Variants in FAM153A observed in about 807,000 individuals in gnomAD.
The protein encoded by FAM153A is family with sequence similarity 153 member A.
A neutral mutation model predicts 48.1 loss-of-function variants in FAM153A; 12 were observed. That is an observed-to-expected ratio of 0.25 (90% CI 0.16 to 0.40). The LOEUF (loss-of-function observed/expected upper bound fraction) is 0.40. Ranked by LOEUF, FAM153A falls within the 10% of genes least tolerant of loss-of-function variation. FAM153A has a pLI of 1.00. For synonymous variants in FAM153A, 36 were observed against 118.2 expected, an observed-to-expected ratio of 0.30 and a Z score of 4.51; for missense variants, 111 against 345.8, an observed-to-expected ratio of 0.32 and a Z score of 5.38.
At chr5:177,728,820 G>A (rs1171088554) in intron 18 of FAM153A, among the ~76,000 whole-genome samples, 4 of 148,832 alleles carry the variant, frequency 2.7e-5, no homozygotes, top group Admixed American at 2.0e-4. Context: ...GCCCGTCTCC[G>A]CCTCTCAAGG....
chr5:177,696,158 G>A, the FAM153A span, among the ~76,000 whole-genome samples: 1 of 118,286 alleles, frequency 8.5e-6, no homozygotes, highest in African/African-American at 3.3e-5. Flanking sequence ...GTGGCGGCTG[G>A]GCAGAGGCAC....
rs552876839 is a variant in FAM153A, at chr5:177,759,268, A to G, written c.-56-10569T>C. Among the ~76,000 whole-genome samples the G allele has an allele frequency of 1.7e-3, 262 of 151,956 alleles. 4 individuals are homozygous for G. Among genetic ancestry groups the G allele is most frequent in the Non-Finnish European group, 2.4e-3 (162 of 68,028 alleles). On this transcript the variant is annotated intron_variant, in intron 1 of 8. Coordinates refer to the FAM153A transcript ENST00000393518. ...AAATGCAAATCAAAACCACAATGAC[A>G]TACCATCTCACACCAGTTAGAATGG... is the stretch of plus-strand genomic sequence containing the variant.
intron 10 of FAM153A, among the ~76,000 whole-genome samples, chr5:177,737,778 C>T (rs908744070): frequency 6.6e-6 from 1 of 151,706 alleles, no homozygotes; most frequent in African/African-American, 2.4e-5. Context: ...TCTTGGCCCC[C>T]CAAACTGCTG....
intron 14 of FAM153A, among the ~76,000 whole-genome samples, chr5:177,733,283 T>C (rs62398539): frequency 0.27 from 35,880 of 133,302 alleles, 6,612 homozygotes; most frequent in South Asian, 0.39. Flanking sequence ...TTTGTGCTTT[T>C]GATCAGGACA....
intron 6 of FAM153A, among the ~76,000 whole-genome samples, chr5:177,743,403 T>C: frequency 1.3e-5 from 1 of 74,910 alleles, no homozygotes; most frequent in Non-Finnish European, 2.6e-5. Context: ...AACCCCTTGG[T>C]TTTCTTTTCA....
intron 24 of FAM153A, among the ~76,000 whole-genome samples, chr5:177,716,963 T>TTGTGTGTGTGTGTG (rs1561866290): frequency 2.5e-3 from 141 of 56,376 alleles, no homozygotes; most frequent in African/African-American, 0.01. Context: ...CATTCCCGCT[T>TTGTGTGTGTGTGTG]AGTGTGTGTG....
chr5:177,709,022 G>A (rs1374165821), downstream of FAM153A, among the ~76,000 whole-genome samples: 1 of 143,984 alleles, frequency 6.9e-6, no homozygotes. Flanking sequence ...TTGAACCCGG[G>A]GGGCAGAGGT....
At chr5:177,702,129 C>T in the FAM153A span, among the ~76,000 whole-genome samples, 15 of 151,756 alleles carry the variant, frequency 9.9e-5, no homozygotes, top group African/African-American at 3.2e-4. Flanking sequence ...AGGATGGTCT[C>T]GATCTCCTGA....
intron 25 of FAM153A, among the ~76,000 whole-genome samples, chr5:177,715,300 CAAT>C (rs376309912): frequency 0.25 from 36,684 of 145,030 alleles, 5,263 homozygotes; most frequent in South Asian, 0.35. Flanking sequence ...TTCTTATACA[CAAT>C]AATATTATAA....
downstream of FAM153A, among the ~76,000 whole-genome samples, chr5:177,705,401 T>C (rs535622814): frequency 6.8e-6 from 1 of 146,456 alleles, no homozygotes; most frequent in South Asian, 2.2e-4. Flanking sequence ...TCTGCCATGA[T>C]TGGAAGCTTC....
chr5:177,753,454 G>A (rs1329204800), upstream of FAM153A, among the ~76,000 whole-genome samples: 2 of 145,782 alleles, frequency 1.4e-5, no homozygotes, highest in Non-Finnish European at 3.0e-5. Context: ...CAGACACACA[G>A]TATTATTCTA....
chr5:177,718,976 A>G (rs1696860), downstream of FAM153A, among the ~76,000 whole-genome samples: 1 of 151,308 alleles, frequency 6.6e-6, no homozygotes, highest in Admixed American at 6.6e-5. Flanking sequence ...CACCTCCCAG[A>G]TTCAAGCCAT....
intron 1 of FAM153A, among the ~76,000 whole-genome samples, chr5:177,768,532 ACTT>A (rs1768894988): frequency 7.3e-6 from 1 of 136,264 alleles, no homozygotes. Flanking sequence ...AAAAAACATC[ACTT>A]TGGAAATCCT....
the FAM153A span, among the ~76,000 whole-genome samples, chr5:177,698,175 AG>A: frequency 4.6e-5 from 7 of 151,620 alleles, no homozygotes; most frequent in African/African-American, 1.7e-4. Context: ...AACCAAGGAA[AG>A]GTTCTCATTT....
chr5:177,710,229 C>T (rs1036857163), downstream of FAM153A, among the ~76,000 whole-genome samples: 13 of 151,322 alleles, frequency 8.6e-5, no homozygotes, highest in Non-Finnish European at 1.8e-4. Flanking sequence ...TATTCTGCCT[C>T]AGCCTCCCAG....
At position 177,772,998 on chromosome 5, in the gene FAM153A, C is replaced by G. The variant is rs1289647363; in HGVS notation, c.-57+7451G>C. On this transcript the variant is annotated intron_variant, in intron 1 of 8. Coordinates refer to the FAM153A transcript ENST00000393518. ...TGGGAGGCACCCCCCAGCAGGGGCA[C>G]ACTGACACCTCACAAGGCAGGGTAT... is the stretch of plus-strand genomic sequence containing the variant. 1.4e-4 allele frequency among the ~76,000 whole-genome samples: 6 copies of G among 43,132 alleles called. 2 individuals are homozygous for G. Among genetic ancestry groups the G allele is most frequent in the Admixed American group, 3.1e-4 (1 of 3,240 alleles). 28.3% of individuals were successfully genotyped at this position (43,132 alleles called of 152,430 possible).
downstream of FAM153A, among the ~76,000 whole-genome samples, chr5:177,709,093 C>CCAAAAA (rs1758119692): frequency 2.9e-5 from 1 of 34,106 alleles, no homozygotes; most frequent in African/African-American, 8.9e-5. Flanking sequence ...GACTCCGTCT[C>CCAAAAA]AAAAAAAAAA....
upstream of FAM153A, among the ~76,000 whole-genome samples, chr5:177,755,237 G>C (rs1767598318): frequency 4.6e-5 from 7 of 151,962 alleles, no homozygotes; most frequent in South Asian, 1.5e-3. Context: ...GGGTATCAGT[G>C]ATGGAAAATC....
upstream of FAM153A, among the ~76,000 whole-genome samples, chr5:177,754,599 C>A (rs1226883275): frequency 6.6e-6 from 1 of 151,940 alleles, no homozygotes; most frequent in Non-Finnish European, 1.5e-5. Context: ...TAGGGGCAGA[C>A]TGACACCTCA....
Sources: gnomAD v4.1 joint callset for allele counts (sites outside exome capture counted in the v4.1 genomes callset) on GRCh38, gnomAD v4.1.1 for gene constraint, MANE v1.5 for transcripts, NCBI Gene and HGNC (gene_info 2026-07-23, HGNC 2026-07-21) for gene names.